Variants in CAMK1D observed in about 807,000 individuals in gnomAD.
The protein encoded by CAMK1D is calcium/calmodulin-dependent protein kinase type 1D.
Under a neutral mutation model 47.7 loss-of-function variants are expected in CAMK1D, and 9 were observed. The observed-to-expected ratio is 0.19, with a 90% CI of 0.11 to 0.33. The LOEUF (loss-of-function observed/expected upper bound fraction) is 0.33. Among genes scored for constraint, CAMK1D ranks in the 10% least tolerant of loss-of-function variants. The pLI, the probability that CAMK1D is intolerant of heterozygous loss-of-function variation, is 1.00. For synonymous variants in CAMK1D, 184 were observed against 184.9 expected (o/e 0.99, Z 0.04); for missense variants, 291 against 488.7 (o/e 0.60, Z 3.81).
chr10:12,417,497 G>A (rs1440532774), intron 1 of CAMK1D, among the ~76,000 whole-genome samples: 1 of 152,222 alleles, frequency 6.6e-6, no homozygotes, highest in African/African-American at 2.4e-5. Context: ...TCCAGCCAGG[G>A]GAATTGCTCA....
chr10:12,624,943 C>T (rs1839159836), intron 2 of CAMK1D, among the ~76,000 whole-genome samples: 1 of 151,894 alleles, frequency 6.6e-6, no homozygotes, highest in Admixed American at 6.6e-5. Context: ...TACCTATGCC[C>T]CATTTCTTTC....
intron 8 of CAMK1D, among the ~76,000 whole-genome samples, chr10:12,817,674 G>C (rs1031624364): frequency 7.9e-5 from 12 of 152,142 alleles, no homozygotes; most frequent in African/African-American, 2.7e-4. Context: ...GAAATGCTTA[G>C]TTAATTGTAG....
chr10:12,635,479 G>C (rs1370148429), intron 2 of CAMK1D, among the ~76,000 whole-genome samples: 1 of 152,122 alleles, frequency 6.6e-6, no homozygotes, highest in Non-Finnish European at 1.5e-5. Context: ...AGCCCACGGC[G>C]CAGTGCAGGA....
At chr10:12,390,196 T>C (rs1200183464) in intron 1 of CAMK1D, among the ~76,000 whole-genome samples, 1 of 152,194 alleles carries the variant, frequency 6.6e-6, no homozygotes. Flanking sequence ...TGCTAGTGAT[T>C]TGCACCAGTG....
intron 3 of CAMK1D, among the ~76,000 whole-genome samples, chr10:12,754,912 G>A (rs1387903761): frequency 6.6e-6 from 1 of 152,088 alleles, no homozygotes. Context: ...TGTACTGGGG[G>A]GTCAGGACTT....
At chr10:12,398,512 C>A (rs1839050563) in intron 1 of CAMK1D, among the ~76,000 whole-genome samples, 3 of 152,050 alleles carry the variant, frequency 2.0e-5, no homozygotes, top group African/African-American at 2.4e-5. Context: ...CTATGCCTGG[C>A]TAATTTTTAT....
chr10:12,451,393 C>T (rs1833078728), intron 1 of CAMK1D, among the ~76,000 whole-genome samples: 1 of 152,130 alleles, frequency 6.6e-6, no homozygotes, highest in Non-Finnish European at 1.5e-5. Context: ...GGTAGGAGGG[C>T]CTGGAGGAGA....
intron 2 of CAMK1D, among the ~76,000 whole-genome samples, chr10:12,601,725 G>C (rs752071751): frequency 3.3e-5 from 5 of 152,182 alleles, no homozygotes; most frequent in African/African-American, 7.2e-5. Context: ...GCCTCCCAAA[G>C]TGTTGGGATT....
chr10:12,821,223 T>C (rs1468430394), intron 8 of CAMK1D, among the ~76,000 whole-genome samples: 1 of 152,248 alleles, frequency 6.6e-6, no homozygotes, highest in Non-Finnish European at 1.5e-5. Flanking sequence ...ACCCATGGCA[T>C]GGACTCTAGT....
intron 1 of CAMK1D, among the ~76,000 whole-genome samples, chr10:12,401,063 A>T (rs1484264196): frequency 5.3e-5 from 5 of 94,016 alleles, no homozygotes; most frequent in African/African-American, 4.1e-5. Context: ...TTATATATAT[A>T]TTTTATATAT....
At chr10:12,699,318 A>G (rs753646634) in intron 3 of CAMK1D, among the ~76,000 whole-genome samples, 4 of 151,890 alleles carry the variant, frequency 2.6e-5, no homozygotes, top group Admixed American at 6.6e-5. Context: ...CTGTGACTCG[A>G]CCTCTTCTAC....
At chr10:12,737,166 A>G (rs1470586447) in intron 3 of CAMK1D, among the ~76,000 whole-genome samples, 1 of 151,950 alleles carries the variant, frequency 6.6e-6, no homozygotes, top group Non-Finnish European at 1.5e-5. Context: ...TCCATCAGCT[A>G]CTGCCTCTGA....
chr10:12,425,391 C>T (rs972801929), intron 1 of CAMK1D, among the ~76,000 whole-genome samples: 1 of 151,680 alleles, frequency 6.6e-6, no homozygotes, highest in Non-Finnish European at 1.5e-5. Context: ...CAGTGATTCT[C>T]CTGCCTCAGC....
intron 2 of CAMK1D, among the ~76,000 whole-genome samples, chr10:12,599,468 C>G (rs1838239899): frequency 6.6e-6 from 1 of 152,104 alleles, no homozygotes; most frequent in Admixed American, 6.5e-5. Flanking sequence ...AGAGAGTAGG[C>G]AGTGCACTGC....
intron 1 of CAMK1D, among the ~76,000 whole-genome samples, chr10:12,504,406 G>A (rs1834807689): frequency 6.6e-6 from 1 of 152,140 alleles, no homozygotes; most frequent in Non-Finnish European, 1.5e-5. Flanking sequence ...CAGTGTCCGA[G>A]GTCAGGCGGC....
chr10:12,506,063 C>G (rs1162885382), intron 1 of CAMK1D, among the ~76,000 whole-genome samples: 2 of 152,106 alleles, frequency 1.3e-5, no homozygotes, highest in Non-Finnish European at 2.9e-5. Flanking sequence ...TTTTCCCGTC[C>G]ATGTAATGGT....
chr10:12,452,160 G>C (rs1002145494), intron 1 of CAMK1D, among the ~76,000 whole-genome samples: 1 of 152,120 alleles, frequency 6.6e-6, no homozygotes, highest in Admixed American at 6.6e-5. Flanking sequence ...TGAGAGCAGC[G>C]TATGGAACCC....
intron 5 of CAMK1D, among the ~76,000 whole-genome samples, chr10:12,779,727 A>G (rs920360444): frequency 6.6e-6 from 1 of 152,106 alleles, no homozygotes; most frequent in African/African-American, 2.4e-5. Context: ...CACTGTGCCT[A>G]GTTGAGAATT....
At chr10:12,806,720 A>G (rs1012955367) in intron 6 of CAMK1D, among the ~76,000 whole-genome samples, 1 of 152,144 alleles carries the variant, frequency 6.6e-6, no homozygotes, top group South Asian at 2.1e-4. Flanking sequence ...GTAATCAGCT[A>G]GGTGATTTTT....
Sources: allele counts gnomAD v4.1 joint callset (sites outside exome capture counted in the v4.1 genomes callset), GRCh38; gene constraint gnomAD v4.1.1; transcripts MANE v1.5; gene names NCBI Gene and HGNC (gene_info 2026-07-23, HGNC 2026-07-21).